EYS: variants seen among roughly 807,000 people sequenced by gnomAD.
EYS encodes protein eyes shut homolog.
Under a neutral mutation model 282.1 loss-of-function variants are expected in EYS, and 250 were observed. The ratio of observed to expected loss-of-function variants is 0.89; its 90% CI spans 0.80 to 0.98. The LOEUF (loss-of-function observed/expected upper bound fraction) is 0.98, where lower values mean the gene tolerates loss of function less well. EYS is among the 50% of genes least tolerant of loss of function. The pLI is 0.00. For missense variants in EYS, 4,016 were observed against 3,709.0 expected, an observed-to-expected ratio of 1.08 and a Z score of -2.15; for synonymous variants, 1,355 against 1,282.9, an observed-to-expected ratio of 1.06 and a Z score of -1.20.
chr6:65,511,125 C>G (rs1466880085), intron 2 of EYS, among the ~76,000 whole-genome samples: 1 of 152,080 alleles, frequency 6.6e-6, no homozygotes, highest in Admixed American at 6.6e-5. Flanking sequence ...CAAACAGTAA[C>G]TAGACTATTT....
chr6:64,652,338 A>G (rs927140250), intron 22 of EYS, among the ~76,000 whole-genome samples: 10 of 152,230 alleles, frequency 6.6e-5, no homozygotes, highest in African/African-American at 2.4e-4. Flanking sequence ...CAGAAAGGGC[A>G]GAAAGATTCA....
intron 12 of EYS, among the ~76,000 whole-genome samples, chr6:65,216,840 T>C (rs1766326693): frequency 6.6e-6 from 1 of 151,992 alleles, no homozygotes; most frequent in South Asian, 2.1e-4. Flanking sequence ...GATATGCTTT[T>C]AGTAACTTAT....
chr6:65,596,607 C>A (rs937842718), intron 2 of EYS, among the ~76,000 whole-genome samples: 1 of 151,938 alleles, frequency 6.6e-6, no homozygotes, highest in Non-Finnish European at 1.5e-5. Context: ...CAGACCAATT[C>A]TCCACAGCAT....
intron 30 of EYS, among the ~76,000 whole-genome samples, chr6:64,273,492 A>T (rs1582518389): frequency 6.6e-6 from 1 of 150,456 alleles, no homozygotes. Flanking sequence ...TTTTCCCTTT[A>T]TGGAGTGTTT....
chr6:64,399,439 G>C (rs886948650), intron 28 of EYS, among the ~76,000 whole-genome samples: 2 of 151,422 alleles, frequency 1.3e-5, no homozygotes, highest in Non-Finnish European at 3.0e-5. Flanking sequence ...TCCCATTATT[G>C]TCTATTTAGT....
chr6:64,679,530 G>A (rs959900008), intron 22 of EYS, among the ~76,000 whole-genome samples: 7 of 151,946 alleles, frequency 4.6e-5, no homozygotes, highest in African/African-American at 1.2e-4. Flanking sequence ...CTGTAGAACC[G>A]CATTTTCAGT....
chr6:64,184,557 A>C (rs76750043), intron 31 of EYS, among the ~76,000 whole-genome samples: 10 of 74,328 alleles, frequency 1.3e-4, no homozygotes, highest in Non-Finnish European at 1.2e-4. Flanking sequence ...ACCATTATGC[A>C]AAAAAAAAAA....
At position 64,079,207 on chromosome 6, in the gene EYS, G is replaced by C. The variant is rs3013148; in HGVS notation, c.6571+2649C>G. 3.2e-4 allele frequency among the ~76,000 whole-genome samples: 49 copies of C among 151,778 alleles called. No individual in the cohort carries two copies. In the East Asian group the frequency reaches 7.8e-3, roughly 24 times the overall value. On this transcript the variant is annotated intron_variant, in intron 32 of 42. Transcript: ENST00000503581. ...AAAAAACAAGTTTTTCTTTTGTATTGTCTTCTCTCTCTCTCTTTTAACATA... is the reference window on the plus strand; with the variant it reads ...AAAAAACAAGTTTTTCTTTTGTATTCTCTTCTCTCTCTCTCTTTTAACATA...
rs1174058127 is a variant in EYS at position 65,637,974 on chromosome 6, A to T, written c.-333+1804T>A. ...CCAGGTGAAACCCCACCTTCAAGGC[A>T]GGGATGGCCTGAAGCCTGGGGGCCG... On this transcript the variant is annotated intron_variant, in intron 2 of 42. Transcript: ENST00000503581. Among the ~76,000 whole-genome samples the T allele has an allele frequency of 2.0e-5, 3 of 152,320 alleles. No individual in the cohort carries two copies. The East Asian group carries it at 5.8e-4, about 30-fold the overall frequency.
chr6:64,855,700 C>T (rs1766038229), intron 19 of EYS, among the ~76,000 whole-genome samples: 1 of 152,090 alleles, frequency 6.6e-6, no homozygotes, highest in Non-Finnish European at 1.5e-5. Flanking sequence ...TTCACAATTG[C>T]ATGATGTCAT....
At chr6:63,855,528 C>A (rs1226602048) in intron 36 of EYS, among the ~76,000 whole-genome samples, 1 of 152,168 alleles carries the variant, frequency 6.6e-6, no homozygotes, top group Non-Finnish European at 1.5e-5. Flanking sequence ...AGGGCAACAG[C>A]ATACATAGCT....
At chr6:64,376,784 T>A (rs886218700) in intron 29 of EYS, among the ~76,000 whole-genome samples, 1 of 82,608 alleles carries the variant, frequency 1.2e-5, no homozygotes, top group Non-Finnish European at 2.8e-5. Flanking sequence ...ATATACATAA[T>A]AAAATTTATT....
At chr6:65,620,556 G>C (rs1766435287) in intron 2 of EYS, among the ~76,000 whole-genome samples, 1 of 150,712 alleles carries the variant, frequency 6.6e-6, no homozygotes, top group African/African-American at 2.5e-5. Context: ...ATTTCCTTCA[G>C]TTCTGCTCTG....
intron 21 of EYS, chr6:64,815,197 C>G (rs991999439): frequency 2.2e-5 from 10 of 446,418 alleles, no homozygotes; most frequent in African/African-American, 1.8e-4. Context: ...ATAAACAAAT[C>G]CTTTGATATT....
At chr6:65,507,099 T>C (rs1348484600) in intron 2 of EYS, among the ~76,000 whole-genome samples, 1 of 151,694 alleles carries the variant, frequency 6.6e-6, no homozygotes, top group Non-Finnish European at 1.5e-5. Context: ...TTCAATATCG[T>C]TTGCATGACA....
intron 12 of EYS, among the ~76,000 whole-genome samples, chr6:65,165,201 G>T (rs1210916926): frequency 6.6e-6 from 1 of 150,766 alleles, no homozygotes; most frequent in Admixed American, 6.6e-5. Context: ...CTTGACAAAT[G>T]ATGTTTTTGT....
At chr6:64,995,839 A>T (rs1183883149) in intron 14 of EYS, among the ~76,000 whole-genome samples, 2 of 152,064 alleles carry the variant, frequency 1.3e-5, no homozygotes, top group African/African-American at 4.8e-5. Flanking sequence ...ATGAGACAAG[A>T]ATATCCTTGG....
chr6:65,593,370 C>G (rs1379849194), intron 2 of EYS, among the ~76,000 whole-genome samples: 1 of 151,968 alleles, frequency 6.6e-6, no homozygotes, highest in African/African-American at 2.4e-5. Flanking sequence ...TTTATTACTT[C>G]TCTGTTTTTC....
chr6:65,000,440 G>C (rs1771425524), intron 13 of EYS, among the ~76,000 whole-genome samples: 1 of 152,162 alleles, frequency 6.6e-6, no homozygotes, highest in Non-Finnish European at 1.5e-5. Context: ...TTTGTAATGT[G>C]ACAAAACTTT....
Sources: allele counts gnomAD v4.1 joint callset (sites outside exome capture counted in the v4.1 genomes callset), GRCh38; gene constraint gnomAD v4.1.1; transcripts MANE v1.5; gene names NCBI Gene and HGNC (gene_info 2026-07-23, HGNC 2026-07-21).